ACOT11: variants seen among roughly 807,000 people sequenced by gnomAD.
ACOT11 encodes the protein acyl-CoA thioesterase 11, also known as acyl-coenzyme A thioesterase 11.
ACOT11 carries 69 observed loss-of-function variants against 77.5 expected under a neutral mutation model. That is an observed-to-expected ratio of 0.89 (90% CI 0.73 to 1.09). The LOEUF (loss-of-function observed/expected upper bound fraction) is 1.09. Ranked by LOEUF, ACOT11 falls within the 50% of genes least tolerant of loss-of-function variation. The pLI is 0.00. For missense variants in ACOT11, 766 were observed against 813.7 expected (o/e 0.94, Z 0.71); for synonymous variants, 279 against 313.0 (o/e 0.89, Z 1.15).
At chr1:54,557,413 A>AAAAATT (rs1242291317) in intron 1 of ACOT11, among the ~76,000 whole-genome samples, 1 of 151,670 alleles carries the variant, frequency 6.6e-6, no homozygotes, top group Non-Finnish European at 1.5e-5. Flanking sequence ...AAAAAAAGAA[A>AAAAATT]AAAATTAAAT....
chr1:54,587,550 C>CTTTTTTTT (rs33913350), intron 3 of ACOT11, among the ~76,000 whole-genome samples: 3 of 73,542 alleles, frequency 4.1e-5, no homozygotes, highest in South Asian at 6.0e-4. Context: ...GTTTGTAATC[C>CTTTTTTTT]TTTTTTTTTT....
At chr1:54,552,942 C>T (rs1297412254) in intron 1 of ACOT11, among the ~76,000 whole-genome samples, 4 of 151,704 alleles carry the variant, frequency 2.6e-5, no homozygotes, top group Admixed American at 1.3e-4. Context: ...ATTCTCCTGC[C>T]TCAGCCTCCC....
At chr1:54,618,758 GT>G (rs1245434624) in intron 15 of ACOT11, among the ~76,000 whole-genome samples, 1 of 152,182 alleles carries the variant, frequency 6.6e-6, no homozygotes, top group African/African-American at 2.4e-5. Flanking sequence ...CGCGGTGGCT[GT>G]GTGCAGACCG....
At chr1:54,573,796 G>A (rs371793474) in intron 1 of ACOT11, among the ~76,000 whole-genome samples, 3 of 152,148 alleles carry the variant, frequency 2.0e-5, no homozygotes, top group Non-Finnish European at 2.9e-5. Context: ...TTGGGAGGCC[G>A]AGGCAGGTGG....
At chr1:54,611,863 G>C (rs550543284), downstream of ACOT11, 12 of 1,165,486 alleles carry the variant, frequency 1.0e-5, no homozygotes, top group Admixed American at 6.8e-5. Flanking sequence ...TCCTCCAGTC[G>C]CCCACCTGCC....
At chr1:54,619,410 G>A (rs1230769357) in intron 15 of ACOT11, among the ~76,000 whole-genome samples, 1 of 152,142 alleles carries the variant, frequency 6.6e-6, no homozygotes, top group African/African-American at 2.4e-5. Context: ...TAACTTTTCT[G>A]AGCCTCTATT....
At chr1:54,594,415 A>T in intron 5 of ACOT11, 141 bp from the exon 6 acceptor site, 2 of 1,146,942 alleles carry the variant, frequency 1.7e-6, no homozygotes, top group Non-Finnish European at 2.4e-6. Flanking sequence ...TGGGGCAAAG[A>T]GGGAGGAAGC....
At chr1:54,600,966 C>G (rs891447814) in intron 8 of ACOT11, among the ~76,000 whole-genome samples, 2 of 152,118 alleles carry the variant, frequency 1.3e-5, no homozygotes, top group Admixed American at 6.6e-5. Flanking sequence ...CTCACAGGGC[C>G]GGACACACAC....
chr1:54,620,845 CAAAAAAA>C (rs767625864), intron 15 of ACOT11, among the ~76,000 whole-genome samples: 53 of 12,124 alleles, frequency 4.4e-3, no homozygotes, highest in Admixed American at 0.016. Flanking sequence ...GAGACTCTGT[CAAAAAAA>C]AAAAAAAAAA....
chr1:54,590,859 G>A (rs1485022501), intron 3 of ACOT11, among the ~76,000 whole-genome samples: 3 of 152,158 alleles, frequency 2.0e-5, no homozygotes, highest in African/African-American at 7.2e-5. Context: ...GGTTCAAGCG[G>A]TTCTTGTGAC....
In ACOT11 at chr1:54,604,478, T is replaced by G. The variant is rs374287351; in HGVS notation, c.1236+49T>G. 88 of 1,549,772 alleles carry G rather than the reference T, an allele frequency of 5.7e-5. No individual in the cohort carries two copies. In the East Asian group the frequency reaches 1.0e-3, roughly 18 times the overall value. ...TTTCCTTTCTCATCTGAGCCAGAGG[T>G]GGCTAATGGCAAGCAACAAGAACTC... is the stretch of plus-strand genomic sequence containing the variant. On this transcript the variant is annotated intron_variant, in intron 12 of 15. Transcript: ENST00000343744.
rs554810221 is a variant in ACOT11, at chr1:54,631,334, C to T, written c.1782+448C>T. Among the ~76,000 whole-genome samples the T allele has an allele frequency of 5.3e-4, 81 of 152,306 alleles. 1 individual carries two copies. The highest frequency in any genetic ancestry group is 2.3e-3 in the South Asian group (11 of 4,826). On this transcript the variant is annotated intron_variant, in intron 16 of 16. Transcript: ENST00000371316. ...ATTACAGCTACATTTGAGCCTTTTCCTTTTAAATTACTCAGAGAATTAAAA... is the reference window on the plus strand; with the variant it reads ...ATTACAGCTACATTTGAGCCTTTTCTTTTTAAATTACTCAGAGAATTAAAA...
Position 54,619,301 on chromosome 1 carries a change from G to A in ACOT11, c.1629+11233G>A, listed in dbSNP as rs538046423. Among the ~76,000 whole-genome samples the A allele has an allele frequency of 5.3e-5, 8 of 152,232 alleles. 1 individual carries two copies. Among genetic ancestry groups the A allele is most frequent in the Admixed American group, 5.2e-4 (8 of 15,282 alleles). On this transcript the variant is annotated intron_variant, in intron 15 of 16. Coordinates refer to the ACOT11 transcript ENST00000371316. ...CTGAAGGAGAGGGTGGGGGTCAAGC[G>A]TCACGCAGTGGCTTGGAGCGTGCAC...
intron 1 of ACOT11, among the ~76,000 whole-genome samples, chr1:54,555,766 ATGGAGTCTCACTCTGTCGCCTAGGT>A (rs1434469761): frequency 6.6e-6 from 1 of 151,244 alleles, no homozygotes; most frequent in Non-Finnish European, 1.5e-5. Context: ...TTTTTTTGAG[ATGGAGTCTCACTCTGTCGCCTAGGT>A]TGGAGTGCAG....
rs773523016 is a variant in ACOT11, at chr1:54,616,119, T to G, written c.1629+8051T>G. 9 of 1,614,162 alleles carry G rather than the reference T, an allele frequency of 5.6e-6. No individual in the cohort carries two copies. The highest frequency in any genetic ancestry group is 7.6e-6 in the Non-Finnish European group (9 of 1,180,016). ...GCCATGATGGGAACTCCTGTCTCAT[T>G]GGCTGTGCCGAGCCCTTCTACATTG... is the stretch of plus-strand genomic sequence containing the variant. On this transcript the variant is annotated intron_variant, in intron 15 of 16. Coordinates refer to the ACOT11 transcript ENST00000371316.
At position 54,584,748 on chromosome 1, in the gene ACOT11, A is replaced by G. The variant is rs1654436937; in HGVS notation, c.127A>G (p.Asn43Asp). The G allele has an allele frequency of 6.2e-7, 1 of 1,614,114 alleles. No individual in the cohort carries two copies. The highest frequency in any genetic ancestry group is 2.2e-5 in the East Asian group (1 of 44,874). ...CATGGCAGACGGCGAGGGATACCGG[A>G]ACCCCACGGAGGTGCAGATGAGCCA... ...SAMADGEGYR[N>D]PTEVQMSQLV... The change falls in exon 2 of 16, where the codon AAC (asparagine) becomes GAC (aspartate). Residue 43 changes from asparagine to aspartate, a missense_variant. Transcript: ENST00000343744. This position sits in a 1 kb window ranked among gnomAD's most constrained non-coding sequence, Gnocchi z 6.3.
Position 54,607,396 on chromosome 1 carries a change from C to A in ACOT11, c.1502+131C>A. 1.5e-6 allele frequency: 2 copies of A among 1,332,946 alleles called. No homozygotes were observed. Among genetic ancestry groups the A allele is most frequent in the Non-Finnish European group, 2.1e-6 (2 of 968,412 alleles). 82.6% of individuals were successfully genotyped at this position (1,332,946 alleles called of 1,614,324 possible). ...TTCCCATTGGCTGTGGGGCCCCAGG[C>A]ACCACTAGACTTTTCTGGGCTGCTG... is the stretch of plus-strand genomic sequence containing the variant. On this transcript the variant is annotated intron_variant, in intron 14 of 15. Coordinates refer to ENST00000343744, the MANE Select transcript of ACOT11 (RefSeq NM_147161.4). The surrounding 1 kb of genome is among the most constrained non-coding windows in gnomAD (Gnocchi z 4.5).
chr1:54,584,675 C>T lies in ACOT11; in HGVS notation c.54C>T (p.Ser18=), dbSNP rs764128489. Reference sequence around the variant, plus strand: ...CCCAGGGCTTGGCCTCTGTGTTCTCCAACCGCACATCCCGGAAGTCAGCCT... The same window carrying T: ...CCCAGGGCTTGGCCTCTGTGTTCTCTAACCGCACATCCCGGAAGTCAGCCT... ...HLRRGLASVF[S]NRTSRKSALR... is the part of the protein sequence containing the mutation. The change falls in exon 2 of 16, where the codon TCC becomes TCT. Residue 18 remains serine (S), a synonymous_variant. Transcript: ENST00000343744. The surrounding 1 kb of genome is among the most constrained non-coding windows in gnomAD (Gnocchi z 6.3). 5.0e-6 allele frequency: 8 copies of T among 1,614,152 alleles called. No individual in the cohort carries two copies. The South Asian group carries it at 7.7e-5, about 16-fold the overall frequency.
downstream of ACOT11, chr1:54,610,694 C>T: frequency 7.0e-7 from 1 of 1,422,452 alleles, no homozygotes; most frequent in Non-Finnish European, 9.2e-7. Context: ...CTCTCATTTC[C>T]TTGCCTTGTA....
Sources: allele counts gnomAD v4.1 joint callset (sites outside exome capture counted in the v4.1 genomes callset), GRCh38; gene constraint gnomAD v4.1.1; non-coding constraint Gnocchi (gnomAD v3.1); transcripts MANE v1.5; gene names NCBI Gene and HGNC (gene_info 2026-07-23, HGNC 2026-07-21).